GPM6A: variants seen among roughly 807,000 people sequenced by gnomAD.
The protein encoded by GPM6A is neuronal membrane glycoprotein M6-a.
GPM6A carries 7 observed loss-of-function variants against 32.1 expected under a neutral mutation model. That is an observed-to-expected ratio of 0.22 (90% confidence interval 0.12 to 0.41). The LOEUF is 0.41. Ranked by LOEUF, GPM6A falls within the 10% of genes least tolerant of loss-of-function variation. The probability of loss-of-function intolerance (pLI) is 1.00; values close to 1 mark genes in which losing one functional copy is unlikely to be tolerated. For missense variants in GPM6A, 235 were observed against 347.2 expected (o/e 0.68, Z 2.57); for synonymous variants, 130 against 123.4 (o/e 1.05, Z -0.35).
At chr4:175,892,660 C>T (rs1039009184) in intron 1 of GPM6A, among the ~76,000 whole-genome samples, 12 of 152,210 alleles carry the variant, frequency 7.9e-5, no homozygotes, top group African/African-American at 2.9e-4. Flanking sequence ...CCCTCTGGCA[C>T]ATGACCTTCA....
intron 3 of GPM6A, among the ~76,000 whole-genome samples, chr4:175,659,086 C>G (rs138815169): frequency 7.0e-6 from 1 of 143,732 alleles, no homozygotes; most frequent in Non-Finnish European, 1.5e-5. Flanking sequence ...TTTTGTTTTC[C>G]TTTTTTTTTT....
rs759521113 is a variant in GPM6A at position 175,640,204 on chromosome 4, A to G, written c.619-10T>C. On this transcript the variant is annotated splice_polypyrimidine_tract_variant and intron_variant, in intron 5 of 6. Transcript: ENST00000393658. ...GGAAGGTCATGTTCAGCTGCAATGGAAACCACAGAGAATCAAAAGGTGTCA... is the reference window on the plus strand; with the variant it reads ...GGAAGGTCATGTTCAGCTGCAATGGGAACCACAGAGAATCAAAAGGTGTCA... 6.2e-7 allele frequency: 1 copy of G among 1,610,420 alleles called. No individual in the cohort carries two copies. The highest frequency in any genetic ancestry group is 1.1e-5 in the South Asian group (1 of 91,012).
chr4:175,875,663 C>A (rs2111447050), intron 1 of GPM6A, among the ~76,000 whole-genome samples: 1 of 152,278 alleles, frequency 6.6e-6, no homozygotes, highest in South Asian at 2.1e-4. Flanking sequence ...CTCATCCCTA[C>A]AAATACCATC....
At chr4:175,812,031 C>T in intron 1 of GPM6A, 160 bp downstream of exon 1, 3 of 566,162 alleles carry the variant, frequency 5.3e-6, no homozygotes, top group Non-Finnish European at 3.1e-6. Context: ...AACATTCGTG[C>T]CAGACATTAC....
chr4:175,936,146 A>G (rs1739216768), intron 1 of GPM6A, among the ~76,000 whole-genome samples: 1 of 151,246 alleles, frequency 6.6e-6, no homozygotes, highest in Non-Finnish European at 1.5e-5. Context: ...TCTACTAAAA[A>G]TTACAAAAAA....
chr4:175,771,477 G>A (rs1037498375), intron 1 of GPM6A, among the ~76,000 whole-genome samples: 5 of 150,928 alleles, frequency 3.3e-5, no homozygotes, highest in African/African-American at 1.2e-4. Context: ...AGGCTGAGGC[G>A]GGAGAATCAC....
At chr4:175,811,196 C>G (rs1320521439) in intron 1 of GPM6A, among the ~76,000 whole-genome samples, 1 of 152,082 alleles carries the variant, frequency 6.6e-6, no homozygotes, top group African/African-American at 2.4e-5. Flanking sequence ...ACATAAAATA[C>G]AGTTTTTTAC....
chr4:175,794,203 A>T (rs1734123954), intron 1 of GPM6A, among the ~76,000 whole-genome samples: 1 of 152,228 alleles, frequency 6.6e-6, no homozygotes, highest in South Asian at 2.1e-4. Context: ...AAATAAGAGT[A>T]ATAAAAGTAT....
At chr4:175,893,325 G>GTTTCAAAA (rs1207322853) in intron 1 of GPM6A, among the ~76,000 whole-genome samples, 1 of 152,148 alleles carries the variant, frequency 6.6e-6, no homozygotes, top group Admixed American at 6.5e-5. Context: ...GAAAGGAGAA[G>GTTTCAAAA]TTTCAAAATT....
intron 1 of GPM6A, among the ~76,000 whole-genome samples, chr4:175,869,781 CA>C (rs916864929): frequency 2.3e-3 from 153 of 66,490 alleles, no homozygotes; most frequent in African/African-American, 7.9e-3. Context: ...CAAAAACAAA[CA>C]AAAAAAAATA....
chr4:175,855,281 A>G (rs1398325374), intron 1 of GPM6A, among the ~76,000 whole-genome samples: 1 of 152,224 alleles, frequency 6.6e-6, no homozygotes. Flanking sequence ...AATAATATTA[A>G]AACAGTTATT....
chr4:175,933,331 A>G (rs534180138), intron 1 of GPM6A, among the ~76,000 whole-genome samples: 1 of 152,186 alleles, frequency 6.6e-6, no homozygotes, highest in Admixed American at 6.5e-5. Context: ...TTAAAATTCA[A>G]AAGTTGACAA....
intron 3 of GPM6A, among the ~76,000 whole-genome samples, chr4:175,657,905 T>G (rs567039912): frequency 3.9e-5 from 6 of 152,252 alleles, no homozygotes; most frequent in Non-Finnish European, 7.4e-5. Context: ...CTGAACATAC[T>G]ATCACTACAA....
At chr4:175,726,790 G>A (rs1475381475) in intron 1 of GPM6A, among the ~76,000 whole-genome samples, 2 of 152,202 alleles carry the variant, frequency 1.3e-5, no homozygotes, top group Non-Finnish European at 2.9e-5. Flanking sequence ...GTGGTCAGGA[G>A]TTTGAGACGA....
At chr4:175,728,150 T>C (rs939199848) in intron 1 of GPM6A, among the ~76,000 whole-genome samples, 2 of 152,062 alleles carry the variant, frequency 1.3e-5, no homozygotes, top group African/African-American at 4.8e-5. Context: ...GGTTATAATA[T>C]TAAATTATAA....
At chr4:175,701,229 G>T (rs1744858008) in intron 2 of GPM6A, among the ~76,000 whole-genome samples, 1 of 152,152 alleles carries the variant, frequency 6.6e-6, no homozygotes, top group African/African-American at 2.4e-5. Context: ...AGTAGCAAGG[G>T]CCAGATTTGT....
intron 1 of GPM6A, among the ~76,000 whole-genome samples, chr4:175,739,953 A>T (rs1731811740): frequency 6.6e-6 from 1 of 152,090 alleles, no homozygotes; most frequent in South Asian, 2.1e-4. Context: ...ATTCTGGAAA[A>T]TAGAAAATAC....
rs540461410 is a variant in GPM6A, at chr4:176,002,164, CG to C, written c.-23+144del. The C allele has an allele frequency of 1.9e-3, 1,532 of 827,396 alleles. 11 individuals carry two copies. The African/African-American group carries it at 0.021, about 11-fold the overall frequency. The allele number at this position is 827,396 out of a possible 1,614,324, so 51.3% of individuals were successfully genotyped here. ...AAAAAAAAGTCCGGAGACAAGAGGG[CG>C]GGGGGCGGGGGACGCCAGGCGCGGG... On this transcript the variant is annotated intron_variant, in intron 1 of 7. Coordinates refer to the GPM6A transcript ENST00000280187.
At chr4:175,840,778 T>G (rs1735910945) in intron 1 of GPM6A, among the ~76,000 whole-genome samples, 1 of 152,102 alleles carries the variant, frequency 6.6e-6, no homozygotes, top group African/African-American at 2.4e-5. Context: ...CAATGATATA[T>G]CCAAAGGGCT....
Sources: gnomAD v4.1 joint callset for allele counts (sites outside exome capture counted in the v4.1 genomes callset) on GRCh38, gnomAD v4.1.1 for gene constraint, MANE v1.5 for transcripts, NCBI Gene and HGNC (gene_info 2026-07-23, HGNC 2026-07-21) for gene names.